The following USP9X variants were observed in gnomAD, a reference collection of about 807,000 sequenced individuals.
The protein encoded by USP9X is ubiquitin carboxyl-terminal hydrolase 9X.
In USP9X, 7 loss-of-function variants were observed where a neutral mutation model predicts 190.3. The observed-to-expected ratio is 0.04, with a 90% CI of 0.02 to 0.07. USP9X has a LOEUF of 0.07. Ranked by LOEUF, USP9X falls within the 10% of genes least tolerant of loss-of-function variation. USP9X has a pLI of 1.00. For missense variants in USP9X, 1,010 were observed against 1,916.9 expected, an observed-to-expected ratio of 0.53 and a Z score of 8.83; for synonymous variants, 645 against 659.5, an observed-to-expected ratio of 0.98 and a Z score of 0.34.
intron 21 of USP9X, among the ~76,000 whole-genome samples, chrX:41,180,570 G>A (rs2062816622): frequency 8.9e-6 from 1 of 112,449 alleles, no homozygotes; most frequent in Non-Finnish European, 1.9e-5. Flanking sequence ...ATGGACTTGA[G>A]TTCCAATCCT....
chrX:41,139,846 C>A (rs2062407006), intron 6 of USP9X, among the ~76,000 whole-genome samples: 2 of 111,547 alleles, frequency 1.8e-5, no homozygotes, highest in South Asian at 7.4e-4. Context: ...TTTCCAGTGG[C>A]TTCTAAAACA....
At chrX:41,190,267 G>A (rs1029338170) in intron 26 of USP9X, among the ~76,000 whole-genome samples, 5 of 111,552 alleles carry the variant, frequency 4.5e-5, no homozygotes, top group African/African-American at 1.6e-4. Flanking sequence ...TTTTAAAAAT[G>A]TACATGCTGT....
chrX:41,114,167 C>T (rs2062129853), intron 1 of USP9X, among the ~76,000 whole-genome samples: 2 of 112,472 alleles, frequency 1.8e-5, no homozygotes, highest in African/African-American at 3.2e-5. Flanking sequence ...ATGTATTTTT[C>T]ATCATGTTTA....
intron 1 of USP9X, among the ~76,000 whole-genome samples, chrX:41,116,931 T>A (rs1015825920): frequency 7.2e-5 from 8 of 111,873 alleles, no homozygotes; most frequent in Non-Finnish European, 1.5e-4. Flanking sequence ...TTTTAATTGC[T>A]CCATGCCTAT....
chrX:41,123,456 CCTTT>C lies in USP9X; in HGVS notation c.-158-12_-158-9del, dbSNP rs1277951562. On this transcript the variant is annotated splice_polypyrimidine_tract_variant and intron_variant, in intron 1 of 44. Coordinates refer to ENST00000378308, the MANE Select transcript of USP9X (RefSeq NM_001039591.3). ...ATATCTAAAACCAATTACTTTTTCC[CCTTT>C]CTATTTGTAGGTTATGCAATGGTCT... The C allele has an allele frequency of 2.4e-6, 1 of 423,336 alleles. No individual in the cohort carries two copies. The highest frequency in any genetic ancestry group is 4.2e-6 in the Non-Finnish European group (1 of 240,417). 34.9% of individuals were successfully genotyped at this position (423,336 alleles called of 1,213,427 possible). A position where few individuals can be genotyped will look rare whatever the true frequency, so the allele number is the denominator to read the frequency against.
At chrX:41,156,327 G>T (rs1226826514) in intron 14 of USP9X, among the ~76,000 whole-genome samples, 1 of 111,736 alleles carries the variant, frequency 8.9e-6, no homozygotes, top group Non-Finnish European at 1.9e-5. Context: ...AGAAGCAGGG[G>T]CTCCTTCCCT....
intron 32 of USP9X, among the ~76,000 whole-genome samples, 190 bp from the exon 33 acceptor site, chrX:41,210,319 A>G (rs748702743): frequency 2.9e-4 from 32 of 111,778 alleles, no homozygotes; most frequent in Non-Finnish European, 5.8e-4. Context: ...TCACTCTCTT[A>G]CCCCACTACA....
intron 1 of USP9X, among the ~76,000 whole-genome samples, chrX:41,098,170 T>C (rs2146927829): frequency 9.6e-6 from 1 of 104,239 alleles, no homozygotes; most frequent in South Asian, 4.6e-4. Context: ...AGATGGAGTC[T>C]CGCTCTGTTG....
At chrX:41,127,650 T>G (rs1240798825) in intron 2 of USP9X, among the ~76,000 whole-genome samples, 8 of 112,083 alleles carry the variant, frequency 7.1e-5, no homozygotes, top group Admixed American at 6.7e-4. Context: ...TGCACAGTTT[T>G]ACTGTGTTAC....
rs755073665 is a variant in USP9X, at chrX:41,174,215, C to T, written c.3148+2257C>T. 1.7e-4 allele frequency among the ~76,000 whole-genome samples: 19 copies of T among 111,813 alleles called. No individual in the cohort carries two copies. In the South Asian group the frequency reaches 6.7e-3, roughly 40 times the overall value. ...TGCATTTCTCAGAACATATGCAACA[C>T]GTGACTGTAATCTGGAGATAATTTA... On this transcript the variant is annotated intron_variant, in intron 21 of 44. Coordinates refer to ENST00000378308, the MANE Select transcript of USP9X (RefSeq NM_001039591.3).
At chrX:41,118,686 G>T (rs756657425) in intron 1 of USP9X, among the ~76,000 whole-genome samples, 10 of 110,659 alleles carry the variant, frequency 9.0e-5, no homozygotes, top group African/African-American at 3.3e-4. Flanking sequence ...TTTATTTTCG[G>T]GAAAAAAAAC....
At chrX:41,142,887 A>G (rs1343035057) in intron 9 of USP9X, among the ~76,000 whole-genome samples, 1 of 109,057 alleles carries the variant, frequency 9.2e-6, no homozygotes, top group Non-Finnish European at 1.9e-5. Context: ...TGCCTAGCAC[A>G]TGATAATTGT....
intron 23 of USP9X, 59 bp from the exon 24 acceptor site, chrX:41,186,458 G>GGTTA: frequency 8.6e-7 from 1 of 1,160,959 alleles, no homozygotes; most frequent in Non-Finnish European, 1.2e-6. Context: ...AAGAGCAATT[G>GGTTA]GTTAGGTCTG....
At chrX:41,214,739 G>A in intron 34 of USP9X, 30 bp downstream of exon 34, 1 of 1,171,645 alleles carries the variant, frequency 8.5e-7, no homozygotes, top group Non-Finnish European at 1.1e-6. Flanking sequence ...GTTTAATTTT[G>A]ATTACATTTA....
chrX:41,205,155 C>A, intron 31 of USP9X, 148 bp from the exon 32 acceptor site: 2 of 450,514 alleles, frequency 4.4e-6, no homozygotes, highest in Non-Finnish European at 7.3e-6. Context: ...TGGGGATAAA[C>A]ACTAAATAAC....
At chrX:41,103,566 G>A (rs1387929001) in intron 1 of USP9X, among the ~76,000 whole-genome samples, 2 of 111,871 alleles carry the variant, frequency 1.8e-5, no homozygotes, top group African/African-American at 6.5e-5. Context: ...GTAATACACT[G>A]CCATCTGTCA....
At chrX:41,097,184 G>C (rs2061997946) in intron 1 of USP9X, among the ~76,000 whole-genome samples, 1 of 112,046 alleles carries the variant, frequency 8.9e-6, no homozygotes, top group African/African-American at 3.2e-5. Context: ...TTAAAGTTTG[G>C]TTAAGTTTTC....
At chrX:41,174,787 G>A (rs2062758876) in intron 21 of USP9X, among the ~76,000 whole-genome samples, 2 of 111,217 alleles carry the variant, frequency 1.8e-5, no homozygotes, top group Admixed American at 1.9e-4. Context: ...TTGAGGCCGG[G>A]AGTTCGAGAC....
chrX:41,108,804 C>G (rs1902104358), intron 1 of USP9X, among the ~76,000 whole-genome samples: 1 of 111,211 alleles, frequency 9.0e-6, no homozygotes, highest in African/African-American at 3.3e-5. Flanking sequence ...GGAATCTTGA[C>G]TCTGAGTGAG....
Sources: gnomAD v4.1 joint callset for allele counts (sites outside exome capture counted in the v4.1 genomes callset) on GRCh38, gnomAD v4.1.1 for gene constraint, MANE v1.5 for transcripts, NCBI Gene and HGNC (gene_info 2026-07-23, HGNC 2026-07-21) for gene names.